Variants in SLC35F1 observed in about 807,000 individuals in gnomAD.
SLC35F1 encodes the protein solute carrier family 35 member F1.
SLC35F1 carries 14 observed loss-of-function variants against 48.7 expected under a neutral mutation model. That is an observed-to-expected ratio of 0.29 (90% CI 0.19 to 0.45). The LOEUF (loss-of-function observed/expected upper bound fraction) is 0.45, where lower values mean the gene tolerates loss of function less well. SLC35F1 is among the 20% of genes least tolerant of loss of function. SLC35F1 has a pLI of 1.00. For missense variants in SLC35F1, 404 were observed against 500.0 expected, an observed-to-expected ratio of 0.81 and a Z score of 1.83; for synonymous variants, 190 against 202.2, an observed-to-expected ratio of 0.94 and a Z score of 0.51.
intron 1 of SLC35F1, among the ~76,000 whole-genome samples, chr6:117,996,871 C>T (rs1228974102): frequency 1.3e-5 from 2 of 152,226 alleles, no homozygotes; most frequent in African/African-American, 2.4e-5. Context: ...GAGTGCCTCT[C>T]CTCCTCCAAA....
chr6:118,196,044 G>A (rs964718930), intron 2 of SLC35F1, among the ~76,000 whole-genome samples: 1 of 152,194 alleles, frequency 6.6e-6, no homozygotes, highest in Non-Finnish European at 1.5e-5. Context: ...CAGATTCAGA[G>A]ACTCCAGGGG....
intron 1 of SLC35F1, among the ~76,000 whole-genome samples, chr6:118,009,260 T>G (rs1777214766): frequency 6.6e-6 from 1 of 152,118 alleles, no homozygotes; most frequent in African/African-American, 2.4e-5. Context: ...TTAGGCAGAT[T>G]AAGGAGATCC....
chr6:118,267,189 C>T (rs1235707336), intron 4 of SLC35F1, 35 bp downstream of exon 4: 1 of 1,611,060 alleles, frequency 6.2e-7, no homozygotes, highest in African/African-American at 1.3e-5. Flanking sequence ...TTCCTTACCT[C>T]TGCGGGTGAG....
At chr6:117,986,442 G>A (rs546148302) in intron 1 of SLC35F1, among the ~76,000 whole-genome samples, 53 of 152,212 alleles carry the variant, frequency 3.5e-4, no homozygotes, top group African/African-American at 1.3e-3. Flanking sequence ...TACTTAACTC[G>A]GAAAAACTTA....
intron 2 of SLC35F1, among the ~76,000 whole-genome samples, chr6:118,205,714 T>G (rs576815729): frequency 6.6e-6 from 1 of 152,314 alleles, no homozygotes; most frequent in Admixed American, 6.5e-5. Context: ...GCAGCATTAT[T>G]CATAATAGCC....
At chr6:118,073,243 G>A (rs928477302) in intron 1 of SLC35F1, among the ~76,000 whole-genome samples, 1 of 152,126 alleles carries the variant, frequency 6.6e-6, no homozygotes, top group Non-Finnish European at 1.5e-5. Flanking sequence ...ATGAAATAGA[G>A]GCTAAAATAT....
intron 1 of SLC35F1, 22 bp downstream of exon 1, chr6:117,907,921 G>C: frequency 7.7e-7 from 1 of 1,305,408 alleles, no homozygotes; most frequent in South Asian, 2.3e-5. Context: ...CGCCGGGCGA[G>C]GGCGCGGGGG....
intron 1 of SLC35F1, among the ~76,000 whole-genome samples, chr6:117,922,947 G>A (rs1306807983): frequency 6.6e-6 from 1 of 152,154 alleles, no homozygotes; most frequent in African/African-American, 2.4e-5. Context: ...GAACACATAA[G>A]CATGGAGAGC....
At chr6:117,976,996 T>C (rs1240179147) in intron 1 of SLC35F1, among the ~76,000 whole-genome samples, 1 of 152,206 alleles carries the variant, frequency 6.6e-6, no homozygotes, top group East Asian at 1.9e-4. Context: ...TTAATGACTG[T>C]CCAGTATTCA....
intron 1 of SLC35F1, among the ~76,000 whole-genome samples, chr6:117,954,791 C>G (rs559481970): frequency 6.6e-6 from 1 of 152,294 alleles, no homozygotes; most frequent in East Asian, 1.9e-4. Flanking sequence ...TGCCTAATCA[C>G]AGGCTGTGTC....
At chr6:117,945,318 GTA>G (rs1251387312) in intron 1 of SLC35F1, among the ~76,000 whole-genome samples, 4 of 152,122 alleles carry the variant, frequency 2.6e-5, no homozygotes, top group Admixed American at 1.3e-4. Flanking sequence ...GCAGCAAAGG[GTA>G]TGTTTTTCCT....
At chr6:117,996,126 C>T (rs1208310584) in intron 1 of SLC35F1, among the ~76,000 whole-genome samples, 1 of 152,068 alleles carries the variant, frequency 6.6e-6, no homozygotes, top group Non-Finnish European at 1.5e-5. Flanking sequence ...ATGATTACTT[C>T]TTCTGAAATA....
intron 2 of SLC35F1, among the ~76,000 whole-genome samples, chr6:118,212,686 AAAG>A (rs1300350279): frequency 7.1e-6 from 1 of 140,030 alleles, no homozygotes; most frequent in African/African-American, 2.8e-5. Context: ...AAAAGAAAGA[AAAG>A]AAAGAAAGAA....
chr6:118,044,717 G>A (rs953649619), intron 1 of SLC35F1, among the ~76,000 whole-genome samples: 1 of 151,960 alleles, frequency 6.6e-6, no homozygotes, highest in Non-Finnish European at 1.5e-5. Flanking sequence ...AAATGACATA[G>A]TCTATAGCTG....
intron 1 of SLC35F1, among the ~76,000 whole-genome samples, chr6:117,944,058 T>C (rs1390097452): frequency 6.6e-6 from 1 of 152,362 alleles, no homozygotes; most frequent in East Asian, 1.9e-4. Context: ...AAATTGATGG[T>C]TTCATTGTCA....
At chr6:118,119,501 C>CCCA (rs1562295694) in intron 1 of SLC35F1, among the ~76,000 whole-genome samples, 2 of 106,868 alleles carry the variant, frequency 1.9e-5, no homozygotes, top group Non-Finnish European at 3.8e-5. Flanking sequence ...GGCGCCCCCC[C>CCCA]TCCACCCCGC....
At chr6:118,144,073 A>G (rs745589369) in intron 1 of SLC35F1, among the ~76,000 whole-genome samples, 1 of 152,180 alleles carries the variant, frequency 6.6e-6, no homozygotes, top group Non-Finnish European at 1.5e-5. Flanking sequence ...TTGACCCAGC[A>G]ATCCCATTAC....
intron 1 of SLC35F1, among the ~76,000 whole-genome samples, chr6:118,033,029 C>T (rs1433589213): frequency 6.6e-6 from 1 of 152,046 alleles, no homozygotes; most frequent in Non-Finnish European, 1.5e-5. Flanking sequence ...TTCTTCAAGT[C>T]TAAGTTATTA....
At chr6:118,167,701 G>A (rs1263965922) in intron 2 of SLC35F1, among the ~76,000 whole-genome samples, 1 of 152,240 alleles carries the variant, frequency 6.6e-6, no homozygotes, top group Admixed American at 6.5e-5. Context: ...AGACATTACT[G>A]TACCCTACTG....
Sources: allele counts gnomAD v4.1 joint callset (sites outside exome capture counted in the v4.1 genomes callset), GRCh38; gene constraint gnomAD v4.1.1; transcripts MANE v1.5; gene names NCBI Gene and HGNC (gene_info 2026-07-23, HGNC 2026-07-21).